The following NALF1 variants were observed in gnomAD, a reference collection of about 807,000 sequenced individuals.
NALF1 encodes family with sequence similarity 155 member A.
A neutral mutation model predicts 48.4 loss-of-function variants in NALF1; 3 were observed. The observed-to-expected ratio is 0.06, with a 90% CI of 0.03 to 0.16. The LOEUF is 0.16. Ranked by LOEUF, NALF1 falls within the 10% of genes least tolerant of loss-of-function variation. NALF1 has a pLI of 1.00. For missense variants in NALF1, 526 were observed against 571.5 expected, an observed-to-expected ratio of 0.92 and a Z score of 0.81; for synonymous variants, 262 against 245.7, an observed-to-expected ratio of 1.07 and a Z score of -0.62.
intron 1 of NALF1, among the ~76,000 whole-genome samples, chr13:107,546,261 T>C (rs1196367610): frequency 2.0e-5 from 3 of 152,152 alleles, no homozygotes; most frequent in Non-Finnish European, 2.9e-5. Flanking sequence ...TTGAACTTAG[T>C]GCTCTTATAA....
intron 1 of NALF1, among the ~76,000 whole-genome samples, chr13:107,535,042 G>A (rs569637260): frequency 6.6e-6 from 1 of 152,234 alleles, no homozygotes; most frequent in South Asian, 2.1e-4. Context: ...TTTGTATCCT[G>A]AGACTTTGCT....
intron 1 of NALF1, among the ~76,000 whole-genome samples, chr13:107,271,440 G>C (rs1881162305): frequency 6.6e-6 from 1 of 152,042 alleles, no homozygotes; most frequent in Non-Finnish European, 1.5e-5. Flanking sequence ...GGCAGCCACA[G>C]GCAAAGGAAA....
intron 1 of NALF1, among the ~76,000 whole-genome samples, chr13:107,230,560 GA>G (rs1880198905): frequency 6.6e-6 from 1 of 151,702 alleles, no homozygotes; most frequent in Admixed American, 6.6e-5. Context: ...ATTATGGGGG[GA>G]AAATTACAAA....
intron 1 of NALF1, among the ~76,000 whole-genome samples, chr13:107,319,878 G>T (rs1485709288): frequency 1.3e-5 from 2 of 152,038 alleles, no homozygotes; most frequent in African/African-American, 4.8e-5. Flanking sequence ...TAGGTGAGTG[G>T]GTGAAAAGAG....
intron 1 of NALF1, among the ~76,000 whole-genome samples, chr13:107,835,020 A>G (rs1879848995): frequency 6.6e-6 from 1 of 152,242 alleles, no homozygotes; most frequent in Non-Finnish European, 1.5e-5. Flanking sequence ...CATATACACT[A>G]GCATTAATAC....
chr13:107,177,660 A>C (rs1878965211), intron 2 of NALF1, among the ~76,000 whole-genome samples: 1 of 152,248 alleles, frequency 6.6e-6, no homozygotes, highest in Non-Finnish European at 1.5e-5. Context: ...CAGACTCTTC[A>C]ATAAATGGTG....
chr13:107,716,724 T>C (rs1487861625), intron 1 of NALF1, among the ~76,000 whole-genome samples: 1 of 152,196 alleles, frequency 6.6e-6, no homozygotes, highest in East Asian at 1.9e-4. Flanking sequence ...CTGATAAGGT[T>C]ATCACACAGC....
chr13:107,183,580 T>A (rs9520318), intron 2 of NALF1, among the ~76,000 whole-genome samples: 44,790 of 152,062 alleles, frequency 0.29, 7,916 homozygotes, highest in Middle Eastern at 0.43. Flanking sequence ...ATAGCAAAGA[T>A]GTGGAACCAA....
intron 1 of NALF1, among the ~76,000 whole-genome samples, chr13:107,823,247 C>T (rs1879409619): frequency 6.6e-6 from 1 of 152,192 alleles, no homozygotes; most frequent in Non-Finnish European, 1.5e-5. Flanking sequence ...CAACAGAGAA[C>T]TCTAATTCAA....
intron 1 of NALF1, among the ~76,000 whole-genome samples, chr13:107,774,190 C>T (rs551131463): frequency 1.3e-5 from 2 of 152,130 alleles, no homozygotes; most frequent in Non-Finnish European, 2.9e-5. Context: ...AATCCAGTGT[C>T]AATTTAAATA....
chr13:107,338,832 A>T (rs1882611576), intron 1 of NALF1, among the ~76,000 whole-genome samples: 2 of 152,132 alleles, frequency 1.3e-5, no homozygotes, highest in African/African-American at 4.8e-5. Context: ...AAACAATTCT[A>T]AAAAAGTTAC....
intron 1 of NALF1, among the ~76,000 whole-genome samples, chr13:107,613,429 GTCAACAGTGGGATAT>G (rs1310845319): frequency 2.0e-5 from 3 of 152,156 alleles, no homozygotes; most frequent in Non-Finnish European, 2.9e-5. Context: ...GCAGACTGTG[GTCAACAGTGGGATAT>G]TCAACTCATC....
intron 1 of NALF1, among the ~76,000 whole-genome samples, chr13:107,404,204 A>T (rs1398641812): frequency 6.6e-6 from 1 of 152,080 alleles, no homozygotes; most frequent in Non-Finnish European, 1.5e-5. Flanking sequence ...CTAAAACTTT[A>T]TTCTTAAAGA....
intron 1 of NALF1, among the ~76,000 whole-genome samples, chr13:107,225,078 G>C (rs1013559458): frequency 2.0e-5 from 3 of 151,988 alleles, no homozygotes; most frequent in African/African-American, 7.2e-5. Context: ...GCACAATCTC[G>C]GCTCACTGCA....
At position 107,237,089 on chromosome 13, in the gene NALF1, G is replaced by GT. The variant is rs61150648; in HGVS notation, c.916-26335dup. On this transcript the variant is annotated intron_variant, in intron 1 of 2. Transcript: ENST00000375915. ...AGATACCAAGGGAAAACTGTATGTGGTTTTTTTTTTTTTTTTCTGTTTTTG... is the reference window on the plus strand; with the variant it reads ...AGATACCAAGGGAAAACTGTATGTGGTTTTTTTTTTTTTTTTTCTGTTTTTG... 6.1e-4 allele frequency among the ~76,000 whole-genome samples: 88 copies of GT among 145,234 alleles called. No individual in the cohort carries two copies. The East Asian group carries it at 0.012, about 20-fold the overall frequency.
At chr13:107,579,595 C>CTTTTA (rs1270683728) in intron 1 of NALF1, among the ~76,000 whole-genome samples, 2 of 151,080 alleles carry the variant, frequency 1.3e-5, no homozygotes, top group African/African-American at 4.9e-5. Context: ...CCTTTCTTTT[C>CTTTTA]TTTTCTTTTT....
chr13:107,410,424 G>A lies in NALF1; in HGVS notation c.916-199669C>T, dbSNP rs9514675. 5.2e-3 allele frequency among the ~76,000 whole-genome samples: 796 copies of A among 152,130 alleles called. 5 individuals carry two copies. Among genetic ancestry groups the A allele is most frequent in the Non-Finnish European group, 7.1e-3 (486 of 68,006 alleles). On this transcript the variant is annotated intron_variant, in intron 1 of 2. Transcript: ENST00000375915. ...GATTGGCCTATGAAACCAAGAATCC[G>A]TACCTTCCACTGAAAAGACATTGGC...
At chr13:107,622,775 T>TTCTGTAGAC (rs1172815230) in intron 1 of NALF1, among the ~76,000 whole-genome samples, 1 of 152,222 alleles carries the variant, frequency 6.6e-6, no homozygotes, top group Non-Finnish European at 1.5e-5. Context: ...TTATTTCGCT[T>TTCTGTAGAC]TCTGTAGACA....
chr13:107,416,278 G>A (rs1019354732), intron 1 of NALF1, among the ~76,000 whole-genome samples: 2 of 151,844 alleles, frequency 1.3e-5, no homozygotes, highest in African/African-American at 2.4e-5. Context: ...GCCTCCCAAA[G>A]TGTTGGGATT....
Sources: gnomAD v4.1 joint callset for allele counts (sites outside exome capture counted in the v4.1 genomes callset) on GRCh38, gnomAD v4.1.1 for gene constraint, MANE v1.5 for transcripts, NCBI Gene and HGNC (gene_info 2026-07-23, HGNC 2026-07-21) for gene names.